The following MAPK10 variants were observed in gnomAD, a reference collection of about 807,000 sequenced individuals.
The protein encoded by MAPK10 is JNK3 alpha protein kinase.
In MAPK10, 25 loss-of-function variants were observed where a neutral mutation model predicts 59.3. The observed-to-expected ratio is 0.42, with a 90% CI of 0.31 to 0.59. The LOEUF is 0.59. MAPK10 is among the 20% of genes least tolerant of loss of function. MAPK10 has a pLI of 0.15. For missense variants in MAPK10, 351 were observed against 568.9 expected, an observed-to-expected ratio of 0.62 and a Z score of 3.90; for synonymous variants, 190 against 200.5, an observed-to-expected ratio of 0.95 and a Z score of 0.44.
chr4:86,306,115 T>C (rs2095563224), intron 2 of MAPK10, among the ~76,000 whole-genome samples: 1 of 152,218 alleles, frequency 6.6e-6, no homozygotes, highest in Non-Finnish European at 1.5e-5. Flanking sequence ...TCAGATTTAC[T>C]GTATCAGAAA....
intron 2 of MAPK10, among the ~76,000 whole-genome samples, chr4:86,271,328 A>G (rs1167383731): frequency 2.0e-5 from 3 of 151,964 alleles, no homozygotes; most frequent in Admixed American, 2.0e-4. Flanking sequence ...TTTGTTAAGT[A>G]TCTCTTTAAG....
At chr4:86,459,842 A>C (rs1203935260) in intron 1 of MAPK10, among the ~76,000 whole-genome samples, 2 of 152,136 alleles carry the variant, frequency 1.3e-5, no homozygotes, top group African/African-American at 4.8e-5. Flanking sequence ...TGGGTGCACC[A>C]AAATCTCACA....
intron 9 of MAPK10, among the ~76,000 whole-genome samples, chr4:86,070,519 C>A (rs1190840939): frequency 6.6e-6 from 1 of 150,688 alleles, no homozygotes; most frequent in East Asian, 2.0e-4. Flanking sequence ...TTAGGTATAT[C>A]TCCCAATGCT....
chr4:86,061,843 T>C (rs1234651698), intron 11 of MAPK10, among the ~76,000 whole-genome samples: 2 of 152,150 alleles, frequency 1.3e-5, no homozygotes, highest in African/African-American at 2.4e-5. Flanking sequence ...TATTTGATAC[T>C]TCCATTTATT....
intron 2 of MAPK10, among the ~76,000 whole-genome samples, chr4:86,210,053 T>C (rs549345204): frequency 1.2e-3 from 176 of 152,250 alleles, no homozygotes; most frequent in African/African-American, 4.1e-3. Flanking sequence ...TAAATGGTGC[T>C]GAGAAAACTG....
chr4:86,167,501 A>G (rs1294380796), intron 3 of MAPK10, among the ~76,000 whole-genome samples: 2 of 152,242 alleles, frequency 1.3e-5, no homozygotes, highest in Non-Finnish European at 2.9e-5. Flanking sequence ...CCAGCAACAT[A>G]TCAAAAAGCT....
At chr4:86,561,081 A>G (rs1236978738) in intron 1 of MAPK10, among the ~76,000 whole-genome samples, 1 of 152,204 alleles carries the variant, frequency 6.6e-6, no homozygotes, top group Non-Finnish European at 1.5e-5. Context: ...ATGTCAGACC[A>G]TCAGGCATTG....
At chr4:86,251,673 T>C (rs1295092879) in intron 2 of MAPK10, among the ~76,000 whole-genome samples, 1 of 133,174 alleles carries the variant, frequency 7.5e-6, no homozygotes, top group African/African-American at 3.2e-5. Context: ...TGATTTATAG[T>C]CATTTGGGTA....
At chr4:86,093,224 A>G (rs1484995241) in intron 9 of MAPK10, among the ~76,000 whole-genome samples, 1 of 151,972 alleles carries the variant, frequency 6.6e-6, no homozygotes, top group Non-Finnish European at 1.5e-5. Context: ...GTGAGCTTCT[A>G]TCCTGGAAAA....
At chr4:86,591,555 G>A (rs1242714105) in intron 1 of MAPK10, among the ~76,000 whole-genome samples, 20 of 151,934 alleles carry the variant, frequency 1.3e-4, no homozygotes, top group Non-Finnish European at 2.9e-4. Context: ...TTTATTGTTT[G>A]TAGAGAAAGG....
chr4:86,360,695 T>C (rs986427552), upstream of MAPK10, among the ~76,000 whole-genome samples: 1 of 152,160 alleles, frequency 6.6e-6, no homozygotes, highest in Non-Finnish European at 1.5e-5. Flanking sequence ...GATAATTTTC[T>C]AGAGAACTGA....
chr4:86,498,544 G>A (rs1455832884), intron 1 of MAPK10, among the ~76,000 whole-genome samples: 1 of 152,180 alleles, frequency 6.6e-6, no homozygotes, highest in Non-Finnish European at 1.5e-5. Flanking sequence ...AGAAACAAAG[G>A]AGACTAGGAT....
chr4:86,283,759 T>C (rs946042611), intron 2 of MAPK10, among the ~76,000 whole-genome samples: 3 of 152,194 alleles, frequency 2.0e-5, no homozygotes, highest in African/African-American at 7.2e-5. Context: ...AGCCCTTTGA[T>C]GGTTGCTTGT....
At chr4:86,508,588 G>T (rs960058687) in intron 1 of MAPK10, among the ~76,000 whole-genome samples, 1 of 152,082 alleles carries the variant, frequency 6.6e-6, no homozygotes, top group Non-Finnish European at 1.5e-5. Flanking sequence ...TGCATGGCTG[G>T]GTTAAAAATT....
At chr4:86,138,954 A>G (rs1039385762) in intron 4 of MAPK10, among the ~76,000 whole-genome samples, 2 of 147,394 alleles carry the variant, frequency 1.4e-5, no homozygotes, top group African/African-American at 4.9e-5. Context: ...AGAATAAAAT[A>G]CCTAGGAATC....
chr4:86,593,359 A>T (rs577896677), intron 1 of MAPK10, among the ~76,000 whole-genome samples: 14 of 152,312 alleles, frequency 9.2e-5, no homozygotes, highest in African/African-American at 3.4e-4. Context: ...AGTTTACCTT[A>T]TACCTCTGAG....
intron 4 of MAPK10, among the ~76,000 whole-genome samples, chr4:86,122,622 A>G (rs1044493011): frequency 6.6e-6 from 1 of 152,148 alleles, no homozygotes; most frequent in African/African-American, 2.4e-5. Flanking sequence ...TTGAGTGGAA[A>G]GTTTGCTCAA....
chr4:86,045,137 A>G (rs2042261017), intron 11 of MAPK10, among the ~76,000 whole-genome samples: 1 of 152,062 alleles, frequency 6.6e-6, no homozygotes, highest in South Asian at 2.1e-4. Flanking sequence ...AGTTGAATTC[A>G]GTTTTCTCTA....
At chr4:86,190,460 T>C (rs2079424212) in intron 3 of MAPK10, among the ~76,000 whole-genome samples, 1 of 152,230 alleles carries the variant, frequency 6.6e-6, no homozygotes, top group South Asian at 2.1e-4. Flanking sequence ...AACTTCTTCC[T>C]GGTTTAGTCT....
Sources: gnomAD v4.1 joint callset for allele counts (sites outside exome capture counted in the v4.1 genomes callset) on GRCh38, gnomAD v4.1.1 for gene constraint, MANE v1.5 for transcripts, NCBI Gene and HGNC (gene_info 2026-07-23, HGNC 2026-07-21) for gene names.